NKAP: variants seen among roughly 807,000 people sequenced by gnomAD.
NKAP encodes NFKB activating protein, also known as NF-kappa-B-activating protein.
A neutral mutation model predicts 35.6 loss-of-function variants in NKAP; 4 were observed. The ratio of observed to expected loss-of-function variants is 0.11; its 90% CI spans 0.06 to 0.26. NKAP has a LOEUF of 0.26. Among genes scored for constraint, NKAP ranks in the 10% least tolerant of loss-of-function variants. The pLI, the probability that NKAP is intolerant of heterozygous loss-of-function variation, is 1.00. For missense variants in NKAP, 238 were observed against 321.9 expected, an observed-to-expected ratio of 0.74 and a Z score of 1.99; for synonymous variants, 106 against 119.2, an observed-to-expected ratio of 0.89 and a Z score of 0.72.
In NKAP at chrX:119,934,067, T is replaced by G. The variant is rs766181864; in HGVS notation, c.737+427A>C. On this transcript the variant is annotated intron_variant, in intron 5 of 8. Transcript: ENST00000371410. ...ATGGATGGCAGATACTGCCCATGAG[T>G]TGATAATTATTTAGACTGCATGACA... is the stretch of plus-strand genomic sequence containing the variant. 4.5e-5 allele frequency among the ~76,000 whole-genome samples: 5 copies of G among 111,607 alleles called. No homozygotes were observed. In the East Asian group the frequency reaches 1.4e-3, roughly 31 times the overall value.
rs2056692082 is a variant in NKAP at position 119,922,451 on chromosome X, G to A, written c.*2769C>T. 1 of 111,984 alleles carries A rather than the reference G, an allele frequency of 8.9e-6. No individual in the cohort carries two copies. The highest frequency in any genetic ancestry group is 1.9e-5 in the Non-Finnish European group (1 of 53,190). The allele number at this position is 111,984 out of a possible 1,213,427, so 9.2% of individuals were successfully genotyped here. ...TGTTTAATTATAAAACTTTGGGCCG[G>A]GTGTGGTGGCTCACGCCTATAATCC... On this transcript the variant is annotated 3_prime_UTR_variant, in exon 9 of 9. Coordinates refer to ENST00000371410, the MANE Select transcript of NKAP (RefSeq NM_024528.4).
At chrX:119,932,438 C>A in intron 5 of NKAP, 1 of 276,679 alleles carries the variant, frequency 3.6e-6, no homozygotes, top group Non-Finnish European at 6.1e-6. Context: ...GGAAACAGAG[C>A]AAGACCCCGT....
chrX:119,938,164 G>A (rs194311), intron 2 of NKAP: 17,424 of 111,179 alleles, frequency 0.16, 1,147 homozygotes, highest in South Asian at 0.35. Flanking sequence ...AGCGGATCAC[G>A]AGGTCAGGAG....
rs2147842099 is a variant in NKAP, at chrX:119,923,780, C to A, written c.*1440G>T. 1.8e-5 allele frequency: 2 copies of A among 111,310 alleles called. No homozygotes were observed. The highest frequency in any genetic ancestry group is 5.7e-4 in the East Asian group (2 of 3,533). The allele number at this position is 111,310 out of a possible 1,213,427, so 9.2% of individuals were successfully genotyped here. On this transcript the variant is annotated 3_prime_UTR_variant, in exon 9 of 9. Transcript: ENST00000371410. ...GACCAGCCTGACCAACATGGAGAAA[C>A]CCCATCTCTACTAAAAATACAAAAT...
At chrX:119,929,341 T>C (rs1317755400) in intron 8 of NKAP, among the ~76,000 whole-genome samples, 1 of 111,886 alleles carries the variant, frequency 8.9e-6, no homozygotes, top group East Asian at 2.8e-4. Context: ...TTCAGTGTCA[T>C]TTAAAAATAG....
Position 119,925,105 on chromosome X carries a change from G to T in NKAP, c.*115C>A. 1.4e-6 allele frequency: 1 copy of T among 718,443 alleles called. No homozygotes were observed. The highest frequency in any genetic ancestry group is 2.1e-6 in the Non-Finnish European group (1 of 485,350). The allele number at this position is 718,443 out of a possible 1,213,427, so 59.2% of individuals were successfully genotyped here. On this transcript the variant is annotated 3_prime_UTR_variant, in exon 9 of 9. Coordinates refer to ENST00000371410, the MANE Select transcript of NKAP (RefSeq NM_024528.4). ...GAAGGACTGAAAGAATTAAATAGAA[G>T]GCACAGTAGCACTGTAAAGCTTTCT...
chrX:119,937,257 C>G (rs1274766536), intron 2 of NKAP: 1 of 111,718 alleles, frequency 9.0e-6, no homozygotes. Flanking sequence ...AAAGGAGTTT[C>G]CACATCATAT....
rs1266079809 is a variant in NKAP, at chrX:119,923,587, ATAAAG to A, written c.*1628_*1632del. Reference sequence around the variant, plus strand: ...CAAGCTCATATCAGCTCAGATTGAAATAAAGTATTTACATGGGGATAAGAGTAGAC... The same window carrying A: ...CAAGCTCATATCAGCTCAGATTGAAATATTTACATGGGGATAAGAGTAGAC... On this transcript the variant is annotated 3_prime_UTR_variant, in exon 9 of 9. Coordinates refer to ENST00000371410, the MANE Select transcript of NKAP (RefSeq NM_024528.4). 1.8e-5 allele frequency: 2 copies of A among 112,583 alleles called. No individual in the cohort carries two copies. Among genetic ancestry groups the A allele is most frequent in the Admixed American group, 9.5e-5 (1 of 10,532 alleles). The allele number at this position is 112,583 out of a possible 1,213,427, so 9.3% of individuals were successfully genotyped here.
chrX:119,931,333 C>T (rs2056739874), intron 7 of NKAP, among the ~76,000 whole-genome samples: 1 of 108,010 alleles, frequency 9.3e-6, no homozygotes, highest in Non-Finnish European at 1.9e-5. Context: ...AAAACCGTAT[C>T]TCTACTGAAA....
intron 7 of NKAP, 35 bp downstream of exon 7, chrX:119,931,901 G>T: frequency 9.3e-7 from 1 of 1,069,723 alleles, no homozygotes; most frequent in Non-Finnish European, 1.3e-6. Flanking sequence ...CTTTTTGGTA[G>T]GTACTTTAGA....
rs1324926569 is a variant in NKAP at position 119,927,586 on chromosome X, C to T, written c.1074-2192G>A. 1.6e-4 allele frequency among the ~76,000 whole-genome samples: 18 copies of T among 111,643 alleles called. No individual in the cohort carries two copies. The Admixed American group carries it at 1.7e-3, about 11-fold the overall frequency. On this transcript the variant is annotated intron_variant, in intron 8 of 8. Coordinates refer to ENST00000371410, the MANE Select transcript of NKAP (RefSeq NM_024528.4). ...TCTTGAACTCCTGACCTCAGGTGAT[C>T]CACCCGCCTCAGCCTCCCAAAGTGC...
chrX:119,937,399 G>A (rs1298727544), intron 2 of NKAP: 1 of 109,887 alleles, frequency 9.1e-6, no homozygotes, highest in African/African-American at 3.3e-5. Flanking sequence ...CATGAGGTCA[G>A]GAGTTCAAGA....
Position 119,932,220 on chromosome X carries a change from T to C in NKAP, c.738-4A>G, listed in dbSNP as rs1364128513. On this transcript the variant is annotated splice_polypyrimidine_tract_variant and splice_region_variant and intron_variant, in intron 5 of 8. Transcript: ENST00000371410. ...CCTCTTTTTCTTATATTTCTTCCTA[T>C]AGGGATTTTAATTTGATACAAATTC... 4 of 1,127,194 alleles carry C rather than the reference T, an allele frequency of 3.5e-6. No individual in the cohort carries two copies. The highest frequency in any genetic ancestry group is 2.5e-5 in the Admixed American group (1 of 39,417). 92.9% of individuals were successfully genotyped at this position (1,127,194 alleles called of 1,213,427 possible). A position where few individuals can be genotyped will look rare whatever the true frequency, so the allele number is the denominator to read the frequency against.
chrX:119,926,682 T>C (rs1297560726), intron 8 of NKAP, among the ~76,000 whole-genome samples: 6 of 111,726 alleles, frequency 5.4e-5, no homozygotes, highest in Admixed American at 4.8e-4. Flanking sequence ...CTTTGTGGAA[T>C]TGGAAGTAGG....
At chrX:119,934,845 A>G (rs762889679) in intron 4 of NKAP, among the ~76,000 whole-genome samples, 2 of 111,373 alleles carry the variant, frequency 1.8e-5, no homozygotes, top group African/African-American at 6.5e-5. Flanking sequence ...ATACAGAAAT[A>G]TTTAGGGTGG....
In NKAP at chrX:119,943,687, G is replaced by A; in HGVS notation, c.-82C>T. On this transcript the variant is annotated 5_prime_UTR_variant, in exon 1 of 9. Transcript: ENST00000371410. ...AAGATGTCTGTTGCCTTGGTTCCCGGGACCTGCCGCTGCGGAACAGCCCAA... is the reference window on the plus strand; with the variant it reads ...AAGATGTCTGTTGCCTTGGTTCCCGAGACCTGCCGCTGCGGAACAGCCCAA... 1 of 1,052,594 alleles carries A rather than the reference G, an allele frequency of 9.5e-7. No individual in the cohort carries two copies. The highest frequency in any genetic ancestry group is 2.3e-5 in the South Asian group (1 of 43,760). 86.7% of individuals were successfully genotyped at this position (1,052,594 alleles called of 1,213,427 possible).
chrX:119,933,368 T>C lies in NKAP; in HGVS notation c.737+1126A>G, dbSNP rs532199403. On this transcript the variant is annotated intron_variant, in intron 5 of 8. Transcript: ENST00000371410. ...CCCCTAATGAAATAATGGATCGAGA[T>C]AATGACCATCAATGGCTGTTAATAT... Among the ~76,000 whole-genome samples the C allele has an allele frequency of 2.6e-4, 29 of 111,830 alleles. No homozygotes were observed. In the South Asian group the frequency reaches 8.6e-3, roughly 33 times the overall value.
intron 8 of NKAP, among the ~76,000 whole-genome samples, chrX:119,925,737 G>A (rs2147843084): frequency 9.2e-6 from 1 of 108,343 alleles, no homozygotes; most frequent in Non-Finnish European, 1.9e-5. Context: ...TAGTAGAGAT[G>A]GGGTTTCACC....
intron 8 of NKAP, among the ~76,000 whole-genome samples, chrX:119,926,222 C>T (rs1438669116): frequency 3.8e-5 from 4 of 105,805 alleles, no homozygotes; most frequent in Admixed American, 1.0e-4. Flanking sequence ...TCCCAAAGTG[C>T]TGGGATTACA....
Sources: allele counts gnomAD v4.1 joint callset (sites outside exome capture counted in the v4.1 genomes callset), GRCh38; gene constraint gnomAD v4.1.1; transcripts MANE v1.5; gene names NCBI Gene and HGNC (gene_info 2026-07-23, HGNC 2026-07-21).